FOXP2: variants seen among roughly 807,000 people sequenced by gnomAD.
FOXP2 encodes the protein forkhead box P2.
FOXP2 carries 12 observed loss-of-function variants against 115.8 expected under a neutral mutation model. The ratio of observed to expected loss-of-function variants is 0.10; its 90% confidence interval spans 0.07 to 0.17. FOXP2 has a LOEUF of 0.17. Ranked by LOEUF, FOXP2 falls within the 10% of genes least tolerant of loss-of-function variation. The probability of loss-of-function intolerance (pLI) is 1.00; values close to 1 mark genes in which losing one functional copy is unlikely to be tolerated. For missense variants in FOXP2, 629 were observed against 843.5 expected, an observed-to-expected ratio of 0.75 and a Z score of 3.15; for synonymous variants, 328 against 297.7, an observed-to-expected ratio of 1.10 and a Z score of -1.05.
chr7:114,154,279 C>T (rs1289920169), intron 1 of FOXP2, among the ~76,000 whole-genome samples: 3 of 151,726 alleles, frequency 2.0e-5, no homozygotes, highest in African/African-American at 7.3e-5. Flanking sequence ...GAATAGGGTA[C>T]ATTTAGAAAA....
chr7:114,673,166 G>A (rs1807586519), intron 16 of FOXP2, among the ~76,000 whole-genome samples: 1 of 152,200 alleles, frequency 6.6e-6, no homozygotes, highest in African/African-American at 2.4e-5. Context: ...TAAAGGCAAA[G>A]TGTCAAGATG....
At chr7:114,457,124 T>C (rs1023112762) in intron 2 of FOXP2, among the ~76,000 whole-genome samples, 1 of 152,148 alleles carries the variant, frequency 6.6e-6, no homozygotes, top group African/African-American at 2.4e-5. Flanking sequence ...ACCCACCATA[T>C]ACTGGAAATT....
At chr7:114,613,843 T>A (rs2129319519) in intron 3 of FOXP2, 1 of 152,202 alleles carries the variant, frequency 6.6e-6, no homozygotes, top group African/African-American at 2.4e-5. Flanking sequence ...TTACCAGGCC[T>A]GACCCTGCTT....
At chr7:114,534,195 C>G (rs1562981927) in intron 2 of FOXP2, among the ~76,000 whole-genome samples, 1 of 151,828 alleles carries the variant, frequency 6.6e-6, no homozygotes, top group Non-Finnish European at 1.5e-5. Context: ...GTTGATTTGT[C>G]AAATTTAATT....
intron 1 of FOXP2, among the ~76,000 whole-genome samples, chr7:114,105,146 G>A (rs1012433137): frequency 2.6e-5 from 4 of 152,094 alleles, no homozygotes; most frequent in Admixed American, 1.3e-4. Flanking sequence ...TGAGATAGTC[G>A]TGGGTTTGTC....
chr7:114,519,444 T>A (rs191341342), intron 2 of FOXP2, among the ~76,000 whole-genome samples: 41 of 152,254 alleles, frequency 2.7e-4, no homozygotes, highest in Middle Eastern at 6.8e-3. Flanking sequence ...ATTCTGGCAG[T>A]AAGCATCCTC....
chr7:114,239,101 A>C (rs750658656), intron 1 of FOXP2, among the ~76,000 whole-genome samples: 3 of 151,818 alleles, frequency 2.0e-5, no homozygotes, highest in Non-Finnish European at 4.4e-5. Context: ...TTTAATAACT[A>C]TTTTCTATTG....
chr7:114,243,795 T>C (rs1795210797), intron 1 of FOXP2, among the ~76,000 whole-genome samples: 1 of 152,172 alleles, frequency 6.6e-6, no homozygotes, highest in South Asian at 2.1e-4. Context: ...TAAGCTCTTC[T>C]GGTATGTTTG....
intron 3 of FOXP2, among the ~76,000 whole-genome samples, chr7:114,620,423 G>C (rs1804185387): frequency 6.6e-6 from 1 of 152,076 alleles, no homozygotes; most frequent in Admixed American, 6.6e-5. Flanking sequence ...GTGATGAACT[G>C]TAATTCACTG....
intron 2 of FOXP2, among the ~76,000 whole-genome samples, chr7:114,408,937 C>A (rs1189842216): frequency 6.6e-6 from 1 of 151,962 alleles, no homozygotes; most frequent in African/African-American, 2.4e-5. Context: ...ATCAGTAACC[C>A]TTCCTATCTC....
chr7:114,485,521 T>C (rs1421726875), intron 2 of FOXP2, among the ~76,000 whole-genome samples: 1 of 118,080 alleles, frequency 8.5e-6, no homozygotes, highest in Non-Finnish European at 1.9e-5. Context: ...AGGTGAGGTA[T>C]TTCAGGGTAA....
intron 3 of FOXP2, among the ~76,000 whole-genome samples, chr7:114,572,771 A>G (rs1332871612): frequency 1.3e-5 from 2 of 152,000 alleles, no homozygotes; most frequent in Non-Finnish European, 1.5e-5. Flanking sequence ...TACTGATGAG[A>G]GAAAAGAAAT....
intron 3 of FOXP2, among the ~76,000 whole-genome samples, chr7:114,607,828 A>G (rs901205894): frequency 6.6e-6 from 1 of 152,204 alleles, no homozygotes; most frequent in Non-Finnish European, 1.5e-5. Flanking sequence ...TTGAAAACTA[A>G]TGAATAAAAG....
intron 2 of FOXP2, among the ~76,000 whole-genome samples, chr7:114,514,934 T>C (rs962989205): frequency 6.6e-6 from 1 of 150,886 alleles, no homozygotes; most frequent in Non-Finnish European, 1.5e-5. Context: ...GTTCTCATTG[T>C]TCAATTCCCA....
At chr7:114,234,749 C>T (rs921636991) in intron 1 of FOXP2, among the ~76,000 whole-genome samples, 4 of 152,166 alleles carry the variant, frequency 2.6e-5, no homozygotes, top group Non-Finnish European at 4.4e-5. Flanking sequence ...CTCACTGGCT[C>T]GTCTTTTGGC....
chr7:114,242,864 G>A (rs1795189354), intron 1 of FOXP2, among the ~76,000 whole-genome samples: 1 of 152,054 alleles, frequency 6.6e-6, no homozygotes. Context: ...AAGTAGAAAT[G>A]TCCTGCCTAA....
intron 1 of FOXP2, among the ~76,000 whole-genome samples, chr7:114,247,791 G>C (rs1013111446): frequency 2.0e-5 from 3 of 152,122 alleles, no homozygotes; most frequent in African/African-American, 7.2e-5. Context: ...ATAATAGTAC[G>C]AAGGGGTGAA....
intron 1 of FOXP2, among the ~76,000 whole-genome samples, chr7:114,150,066 A>C (rs1792490661): frequency 6.6e-6 from 1 of 152,146 alleles, no homozygotes; most frequent in South Asian, 2.1e-4. Context: ...TTGACTAGAT[A>C]TATTAATACG....
At chr7:114,529,645 T>G (rs1349309920) in intron 2 of FOXP2, among the ~76,000 whole-genome samples, 1 of 151,878 alleles carries the variant, frequency 6.6e-6, no homozygotes, top group Non-Finnish European at 1.5e-5. Context: ...TATTCTTTAA[T>G]AATTAGCTTT....
Sources: allele counts gnomAD v4.1 joint callset (sites outside exome capture counted in the v4.1 genomes callset), GRCh38; gene constraint gnomAD v4.1.1; transcripts MANE v1.5; gene names NCBI Gene and HGNC (gene_info 2026-07-23, HGNC 2026-07-21).